The following WDR81 variants were observed in gnomAD, a reference collection of about 807,000 sequenced individuals.
WDR81 encodes the protein WD repeat-containing protein 81.
A neutral mutation model predicts 140.8 loss-of-function variants in WDR81; 92 were observed. The ratio of observed to expected loss-of-function variants is 0.65; its 90% CI spans 0.55 to 0.78. The LOEUF is 0.78. Ranked by LOEUF, WDR81 falls within the 30% of genes least tolerant of loss-of-function variation. The pLI, the probability that WDR81 is intolerant of heterozygous loss-of-function variation, is 0.00. For synonymous variants in WDR81, 1,183 were observed against 1,156.4 expected (o/e 1.02, Z -0.47); for missense variants, 2,502 against 2,636.4 (o/e 0.95, Z 1.12).
Position 1,725,021 on chromosome 17 carries a change from C to A in WDR81, c.62C>A (p.Ser21Tyr). Reference protein sequence around the residue: ...ALRTPAGGWHSPPSPDMQELL... With the variant: ...ALRTPAGGWHYPPSPDMQELL... ...AGAACCCCGGCCGGGGGCTGGCATT[C>A]CCCGCCAAGCCCAGACATGCAGGAG... Residue 21 changes from serine to tyrosine, a missense_variant, in exon 1 of 10, where the codon TCC becomes TAC. Physicochemically the swap from Ser to Tyr is moderately radical, Grantham distance 144 (BLOSUM62 -2). Around this residue, in one of 3 missense-constraint regions of WDR81, gnomAD observed 547 missense variants for 513.8 expected, o/e 1.06. Coordinates refer to ENST00000409644, the MANE Select transcript of WDR81 (RefSeq NM_001163809.2). The A allele has an allele frequency of 6.8e-7, 1 of 1,470,558 alleles. No individual in the cohort carries two copies. Among genetic ancestry groups the A allele is most frequent in the Non-Finnish European group, 9.0e-7 (1 of 1,113,272 alleles). The allele number at this position is 1,470,558 out of a possible 1,614,324, so 91.1% of individuals were successfully genotyped here.
In WDR81 at chr17:1,727,332, G is replaced by T; in HGVS notation, c.2373G>T (p.Gln791His). ...TTGCCACCAGGGTGCGGACGCTGCA[G>T]CCCGATGCACCTTTGTGGGTACGCT... is the stretch of plus-strand genomic sequence containing the variant. ...MVFATRVRTLQPDAPLWVRFQ... is the reference protein window; with the variant it reads ...MVFATRVRTLHPDAPLWVRFQ... The change falls in exon 1 of 10, where the codon CAG becomes CAT. Residue 791 changes from glutamine to histidine, a missense_variant. Gln to His is a conservative substitution (Grantham distance 24). Coordinates refer to ENST00000409644, the MANE Select transcript of WDR81 (RefSeq NM_001163809.2). 3 of 1,549,880 alleles carry T rather than the reference G, an allele frequency of 1.9e-6. No individual in the cohort carries two copies. The highest frequency in any genetic ancestry group is 2.6e-6 in the Non-Finnish European group (3 of 1,146,974).
At position 1,727,641 on chromosome 17, in the gene WDR81, C is replaced by T. The variant is rs1308809635; in HGVS notation, c.2682C>T (p.Asp894=). The T allele has an allele frequency of 2.6e-5, 40 of 1,550,420 alleles. No individual in the cohort carries two copies. Among genetic ancestry groups the T allele is most frequent in the Non-Finnish European group, 3.1e-5 (36 of 1,147,046 alleles). ...TGTACCAGGCAAGGCGTGTGGAGGA[C>T]GAGGCCCAGGGGCGCGAGCTGGTGT... ...ILLYQARRVE[D]EAQGRELVFA... The change falls in exon 1 of 10, where the codon GAC becomes GAT. Residue 894 remains aspartate, a synonymous_variant. Transcript: ENST00000409644.
chr17:1,733,160 C>G (rs142786902), intron 6 of WDR81, among the ~76,000 whole-genome samples: 1 of 152,140 alleles, frequency 6.6e-6, no homozygotes, highest in Admixed American at 6.5e-5. Context: ...GGGCCCTGCA[C>G]GGTGCTGTGC....
At chr17:1,716,581 G>C in exon 1 of WDR81, 1 of 1,551,694 alleles carries the variant, frequency 6.4e-7, no homozygotes, top group Non-Finnish European at 8.7e-7. Flanking sequence ...AATGCATGCT[G>C]GTCCGTGTAG....
Position 1,737,322 on chromosome 17 carries a change from G to A in WDR81, c.5506-43G>A, listed in dbSNP as rs375091999. 113 of 1,548,856 alleles carry A rather than the reference G, an allele frequency of 7.3e-5. 1 individual carries two copies. In the South Asian group the frequency reaches 1.1e-3, roughly 16 times the overall value. ...AGGCCTTGGGGCCCAAGGGTATGCA[G>A]AAGGACCCAGGCTCCTGCTGAGGCT... On this transcript the variant is annotated intron_variant, in intron 9 of 9. Transcript: ENST00000409644.
chr17:1,733,472 G>A (rs117310497), intron 6 of WDR81, 55 bp from the exon 7 acceptor site: 183 of 1,490,540 alleles, frequency 1.2e-4, no homozygotes, highest in Non-Finnish European at 1.6e-4. Context: ...TTGGATGGGT[G>A]ATAGCAGCCG....
At position 1,725,692 on chromosome 17, in the gene WDR81, G is replaced by A. The variant is rs985709857; in HGVS notation, c.733G>A (p.Val245Met). The A allele has an allele frequency of 2.1e-5, 33 of 1,549,320 alleles. No homozygotes were observed. The highest frequency in any genetic ancestry group is 1.5e-4 in the South Asian group (13 of 84,070). The change falls in exon 1 of 10, where the codon GTG becomes ATG. Residue 245 changes from valine to methionine, a missense_variant. By Grantham distance (21) the Val-to-Met change is conservative. Transcript: ENST00000409644. ...TTACGTACAGTTCTCCCTACATGACGTGGTCACCTTCAGCCCTGCCAAGCT... is the reference window on the plus strand; with the variant it reads ...TTACGTACAGTTCTCCCTACATGACATGGTCACCTTCAGCCCTGCCAAGCT... ...HPYVQFSLHD[V>M]VTFSPAKLTN...
intron 1 of WDR81, chr17:1,716,963 C>T (rs995507048): frequency 1.5e-5 from 7 of 457,834 alleles, no homozygotes; most frequent in Non-Finnish European, 2.7e-5. Flanking sequence ...GATGTCTCTT[C>T]CCAGTCCCAG....
chr17:1,724,526 C>G (rs982806198), upstream of WDR81: 9 of 982,110 alleles, frequency 9.2e-6, no homozygotes, highest in African/African-American at 3.5e-5. Context: ...CCGCCGGGCC[C>G]GGCTGGAGCT....
In WDR81 at chr17:1,726,422, C is replaced by G; in HGVS notation, c.1463C>G (p.Pro488Arg). The part of the protein sequence containing the change: ...ASMERMQNWT[P>R]DECIPEFYTD... ...ATGGAGCGGATGCAGAACTGGACCC[C>G]GGATGAGTGCATTCCGGAGTTCTAC... Residue 488 changes from proline to arginine, a missense_variant, in exon 1 of 10, where the codon CCG becomes CGG. Pro to Arg is a moderately radical substitution (Grantham distance 103). This residue lies in a region of WDR81 where 218 missense variants were observed against 279.6 expected (regional missense o/e 0.78). Coordinates refer to ENST00000409644, the MANE Select transcript of WDR81 (RefSeq NM_001163809.2). 1 of 1,549,144 alleles carries G rather than the reference C, an allele frequency of 6.5e-7. No individual in the cohort carries two copies. Among genetic ancestry groups the G allele is most frequent in the Non-Finnish European group, 8.7e-7 (1 of 1,146,594 alleles).
At position 1,724,956 on chromosome 17, in the gene WDR81, G is replaced by A. The variant is rs1915120721; in HGVS notation, c.-4G>A. 7.0e-7 allele frequency: 1 copy of A among 1,429,360 alleles called. No individual in the cohort carries two copies. The highest frequency in any genetic ancestry group is 1.5e-5 in the South Asian group (1 of 66,390). The allele number at this position is 1,429,360 out of a possible 1,614,324, so 88.5% of individuals were successfully genotyped here. ...CCGCGCTGCCCCCGGGCGGCCTGGA[G>A]GAGATGGCCCAGGGCAGCGGGGGGC... On this transcript the variant is annotated 5_prime_UTR_variant, in exon 1 of 10. Transcript: ENST00000409644.
intron 9 of WDR81, among the ~76,000 whole-genome samples, 155 bp downstream of exon 9, chr17:1,736,373 G>A (rs779812955): frequency 2.6e-5 from 4 of 152,120 alleles, no homozygotes; most frequent in Admixed American, 6.5e-5. Flanking sequence ...TAGCCCTCTC[G>A]GTCCACCTTG....
chr17:1,737,315 G>A (rs753080229), intron 9 of WDR81, 50 bp from the exon 10 acceptor site: 1 of 1,533,714 alleles, frequency 6.5e-7, no homozygotes, highest in Admixed American at 2.0e-5. Context: ...GGGCCCAAGG[G>A]TATGCAGAAG....
intron 5 of WDR81, 69 bp from the exon 6 acceptor site, chr17:1,732,597 G>C (rs1904449381): frequency 6.4e-7 from 1 of 1,571,706 alleles, no homozygotes; most frequent in Non-Finnish European, 8.6e-7. Context: ...CGCGGGCCGT[G>C]GCGAGGACCA....
Position 1,724,769 on chromosome 17 carries a change from C to G in WDR81, c.-191C>G. On this transcript the variant is annotated 5_prime_UTR_variant, in exon 1 of 10. Transcript: ENST00000409644. ...AGCCTCTGCCCCGCCGCGCCCGGAG[C>G]GCAGGACCCGCGGAGGGGTAAGCGC... is the stretch of plus-strand genomic sequence containing the variant. 8.7e-7 allele frequency: 1 copy of G among 1,153,158 alleles called. No homozygotes were observed. The highest frequency in any genetic ancestry group is 1.1e-6 in the Non-Finnish European group (1 of 937,604). 71.4% of individuals were successfully genotyped at this position (1,153,158 alleles called of 1,614,324 possible).
At position 1,732,654 on chromosome 17, in the gene WDR81, T is replaced by C; in HGVS notation, c.4324-12T>C. 6.3e-7 allele frequency: 1 copy of C among 1,593,890 alleles called. No individual in the cohort carries two copies. Among genetic ancestry groups the C allele is most frequent in the Non-Finnish European group, 8.6e-7 (1 of 1,168,750 alleles). The stretch of plus-strand genomic sequence containing the variant: ...GTGGACCCGGCTGACCCCCTGGGTG[T>C]CTTGCTCATAGGATCTGAAGCTGGA... On this transcript the variant is annotated splice_polypyrimidine_tract_variant and intron_variant, in intron 5 of 9. Coordinates refer to ENST00000409644, the MANE Select transcript of WDR81 (RefSeq NM_001163809.2).
intron 4 of WDR81, among the ~76,000 whole-genome samples, chr17:1,732,007 G>A (rs755577307): frequency 6.6e-6 from 1 of 152,062 alleles, no homozygotes; most frequent in Non-Finnish European, 1.5e-5. Flanking sequence ...GCCAAGGTGG[G>A]TGGATCGCTT....
chr17:1,736,655 C>T (rs189381874), intron 9 of WDR81, among the ~76,000 whole-genome samples: 1 of 152,260 alleles, frequency 6.6e-6, no homozygotes, highest in Non-Finnish European at 1.5e-5. Flanking sequence ...GCTGCCCTGG[C>T]TGGGGGCAGG....
In WDR81 at chr17:1,727,969, C is replaced by G; in HGVS notation, c.3010C>G (p.Leu1004Val). Residue 1004 changes from leucine to valine, a missense_variant, in exon 1 of 10, where the codon CTG becomes GTG. Physicochemically the swap from Leu to Val is conservative, Grantham distance 32. Coordinates refer to ENST00000409644, the MANE Select transcript of WDR81 (RefSeq NM_001163809.2). ...GGGCCTGCAGGCATTTCTCACTCAC[C>G]TGCTGCCCCATGTCCTGCAGGTGCT... ...RLGLQAFLTHLLPHVLQVLAG... is the reference protein window; with the variant it reads ...RLGLQAFLTHVLPHVLQVLAG... The G allele has an allele frequency of 6.5e-7, 1 of 1,550,332 alleles. No individual in the cohort carries two copies. Among genetic ancestry groups the G allele is most frequent in the South Asian group, 1.2e-5 (1 of 84,080 alleles).
Sources: allele counts gnomAD v4.1 joint callset (sites outside exome capture counted in the v4.1 genomes callset), GRCh38; gene constraint gnomAD v4.1.1; regional missense constraint gnomAD v4.1.1; transcripts MANE v1.5; gene names NCBI Gene and HGNC (gene_info 2026-07-23, HGNC 2026-07-21).